Variants in NRG3 observed in about 807,000 individuals in gnomAD.
NRG3 encodes pro-neuregulin-3, membrane-bound isoform.
In NRG3, 31 loss-of-function variants were observed where a neutral mutation model predicts 66.9. That is an observed-to-expected ratio of 0.46 (90% confidence interval 0.35 to 0.63). NRG3 has a LOEUF of 0.63. NRG3 is among the 20% of genes least tolerant of loss of function. The pLI, the probability that NRG3 is intolerant of heterozygous loss-of-function variation, is 0.00. For missense variants in NRG3, 910 were observed against 878.9 expected, an observed-to-expected ratio of 1.04 and a Z score of -0.45; for synonymous variants, 393 against 359.4, an observed-to-expected ratio of 1.09 and a Z score of -1.06.
chr10:82,946,988 T>C (rs989057625), intron 4 of NRG3, among the ~76,000 whole-genome samples: 3 of 152,180 alleles, frequency 2.0e-5, no homozygotes, highest in African/African-American at 7.2e-5. Context: ...CACCTGTTTA[T>C]AATGTATCAC....
chr10:82,444,992 GTTTAA>G (rs995772096), intron 2 of NRG3, among the ~76,000 whole-genome samples: 1 of 152,178 alleles, frequency 6.6e-6, no homozygotes, highest in Non-Finnish European at 1.5e-5. Flanking sequence ...GGAAAATAAG[GTTTAA>G]TTTAGTTTCA....
intron 1 of NRG3, among the ~76,000 whole-genome samples, chr10:82,254,503 G>C (rs1461182715): frequency 6.6e-6 from 1 of 152,110 alleles, no homozygotes; most frequent in Non-Finnish European, 1.5e-5. Context: ...CCCAGAGCTT[G>C]GTTTGTAATA....
intron 2 of NRG3, among the ~76,000 whole-genome samples, chr10:82,654,961 A>G (rs1017979340): frequency 1.3e-5 from 2 of 152,044 alleles, no homozygotes; most frequent in African/African-American, 2.4e-5. Flanking sequence ...AAACAATTTT[A>G]TATTGACTCT....
chr10:82,729,688 C>T (rs976014708), intron 2 of NRG3, among the ~76,000 whole-genome samples: 2 of 152,154 alleles, frequency 1.3e-5, no homozygotes, highest in African/African-American at 4.8e-5. Flanking sequence ...AACTCTTTAG[C>T]TTCTGATTCT....
At chr10:81,900,236 ATG>A (rs1223853585) in intron 1 of NRG3, among the ~76,000 whole-genome samples, 42 of 146,494 alleles carry the variant, frequency 2.9e-4, no homozygotes, top group Non-Finnish European at 5.3e-4. Context: ...GCATGAGCCA[ATG>A]CGCCTGGCCG....
At chr10:82,210,247 C>T (rs914456706) in intron 1 of NRG3, among the ~76,000 whole-genome samples, 1 of 152,146 alleles carries the variant, frequency 6.6e-6, no homozygotes, top group African/African-American at 2.4e-5. Context: ...GCCAGGCTCT[C>T]CTCAATGAGT....
intron 1 of NRG3, among the ~76,000 whole-genome samples, chr10:82,081,565 G>A (rs1590039372): frequency 6.6e-6 from 1 of 152,090 alleles, no homozygotes; most frequent in East Asian, 1.9e-4. Context: ...TCTAGGTAAG[G>A]TACTTCTATA....
chr10:82,630,655 T>A (rs910769109), intron 2 of NRG3, among the ~76,000 whole-genome samples: 1 of 152,070 alleles, frequency 6.6e-6, no homozygotes, highest in South Asian at 2.1e-4. Context: ...TCCAGCCTGG[T>A]TGACAAGAGT....
chr10:82,394,837 G>T (rs1002113256), intron 2 of NRG3, among the ~76,000 whole-genome samples: 1 of 152,114 alleles, frequency 6.6e-6, no homozygotes, highest in African/African-American at 2.4e-5. Context: ...CTTTGCAACT[G>T]CCAGGTGTTA....
chr10:82,790,421 T>A (rs1223771538), intron 3 of NRG3, among the ~76,000 whole-genome samples: 1 of 152,138 alleles, frequency 6.6e-6, no homozygotes, highest in Admixed American at 6.6e-5. Context: ...GTGGCTTCTA[T>A]GGTATCTAAT....
intron 2 of NRG3, among the ~76,000 whole-genome samples, chr10:82,718,740 A>G (rs141337072): frequency 4.3e-4 from 66 of 152,350 alleles, no homozygotes; most frequent in African/African-American, 1.3e-3. Context: ...TGCCGTTTCT[A>G]CATAAAATGA....
intron 4 of NRG3, among the ~76,000 whole-genome samples, chr10:82,930,220 T>C (rs763214027): frequency 1.2e-4 from 19 of 152,202 alleles, no homozygotes; most frequent in Non-Finnish European, 1.6e-4. Flanking sequence ...TGCACACCAG[T>C]TTTTTATTCA....
chr10:82,180,034 C>T (rs923194448), intron 1 of NRG3, among the ~76,000 whole-genome samples: 6 of 151,042 alleles, frequency 4.0e-5, no homozygotes, highest in African/African-American at 1.5e-4. Context: ...ATTTTCTTTT[C>T]AGATTGTTCA....
chr10:82,066,928 A>G (rs921626358), intron 1 of NRG3, among the ~76,000 whole-genome samples: 11 of 152,122 alleles, frequency 7.2e-5, no homozygotes, highest in Admixed American at 6.5e-4. Flanking sequence ...GACAATTTTC[A>G]TATTAGTGTG....
At chr10:81,970,137 T>G (rs2059877601) in intron 1 of NRG3, among the ~76,000 whole-genome samples, 1 of 152,220 alleles carries the variant, frequency 6.6e-6, no homozygotes, top group Non-Finnish European at 1.5e-5. Flanking sequence ...TAAAAGTAAC[T>G]TTTCTAGATC....
At chr10:82,261,199 G>A (rs2078009989) in intron 1 of NRG3, among the ~76,000 whole-genome samples, 1 of 152,100 alleles carries the variant, frequency 6.6e-6, no homozygotes, top group Non-Finnish European at 1.5e-5. Flanking sequence ...CATGGGGGTG[G>A]TTTCCTCCAT....
intron 1 of NRG3, among the ~76,000 whole-genome samples, chr10:81,946,942 G>T (rs1848899810): frequency 6.6e-6 from 1 of 152,160 alleles, no homozygotes; most frequent in Non-Finnish European, 1.5e-5. Flanking sequence ...GCTTCCTAGG[G>T]ATGCTGTGAC....
intron 1 of NRG3, among the ~76,000 whole-genome samples, chr10:81,955,889 T>C (rs1849786151): frequency 1.3e-5 from 2 of 152,194 alleles, no homozygotes; most frequent in South Asian, 4.1e-4. Flanking sequence ...TTATGTGTAA[T>C]AGACACCGTA....
intron 4 of NRG3, among the ~76,000 whole-genome samples, chr10:82,949,263 A>G (rs1453006702): frequency 6.6e-6 from 1 of 151,996 alleles, no homozygotes. Context: ...CTTTTTATAT[A>G]TTGTTGTATT....
Sources: gnomAD v4.1 joint callset for allele counts (sites outside exome capture counted in the v4.1 genomes callset) on GRCh38, gnomAD v4.1.1 for gene constraint, MANE v1.5 for transcripts, NCBI Gene and HGNC (gene_info 2026-07-23, HGNC 2026-07-21) for gene names.